Variants in HAS2 observed in about 807,000 individuals in gnomAD.
The protein encoded by HAS2 is HA synthase 2.
A neutral mutation model predicts 51.6 loss-of-function variants in HAS2; 16 were observed. That is an observed-to-expected ratio of 0.31 (90% CI 0.21 to 0.47). The LOEUF (loss-of-function observed/expected upper bound fraction) is 0.47. Ranked by LOEUF, HAS2 falls within the 20% of genes least tolerant of loss-of-function variation. The probability of loss-of-function intolerance (pLI) is 1.00; values close to 1 mark genes in which losing one functional copy is unlikely to be tolerated. For synonymous variants in HAS2, 228 were observed against 235.5 expected, an observed-to-expected ratio of 0.97 and a Z score of 0.29; for missense variants, 361 against 662.6, an observed-to-expected ratio of 0.54 and a Z score of 5.00.
At chr8:121,623,640 C>T (rs1217566058) in intron 2 of HAS2, among the ~76,000 whole-genome samples, 2 of 152,166 alleles carry the variant, frequency 1.3e-5, no homozygotes, top group Non-Finnish European at 1.5e-5. Context: ...TACACCAATA[C>T]TGACTTAAGA....
At chr8:121,616,050 A>G (rs1439761871) in intron 3 of HAS2, among the ~76,000 whole-genome samples, 6 of 152,136 alleles carry the variant, frequency 3.9e-5, no homozygotes, top group South Asian at 2.1e-4. Flanking sequence ...TAGCATGATA[A>G]TATCTAAATT....
rs1812662235 is a variant in HAS2, at chr8:121,613,402, G to A, written c.*707C>T. On this transcript the variant is annotated 3_prime_UTR_variant, in exon 4 of 4. Transcript: ENST00000303924. ...GAAATAAACTATTCAATTTTAAAAG[G>A]TAGAGAGAGAGAAACATTTTATTCT... 1.3e-5 allele frequency: 2 copies of A among 152,406 alleles called. No individual in the cohort carries two copies. The highest frequency in any genetic ancestry group is 1.5e-5 in the Non-Finnish European group (1 of 67,992). The allele number at this position is 152,406 out of a possible 1,614,324, so 9.4% of individuals were successfully genotyped here. A position where few individuals can be genotyped will look rare whatever the true frequency, so the allele number is the denominator to read the frequency against.
At position 121,628,796 on chromosome 8, in the gene HAS2, C is replaced by G; in HGVS notation, c.545G>C (p.Cys182Ser). 6.2e-7 allele frequency: 1 copy of G among 1,614,120 alleles called. No homozygotes were observed. The highest frequency in any genetic ancestry group is 2.2e-5 in the East Asian group (1 of 44,872). ...TTTTCCACCCCATTTTTGCATGATG[C>G]AGATACTTTTGTTGGACAAGACCAA... ...TQLVLSNKSI[C>S]IMQKWGGKRE... The change falls in exon 2 of 4, where the codon TGC becomes TCC. Residue 182 changes from cysteine (C) to serine (S), a missense_variant. By Grantham distance (112) the Cys-to-Ser change is moderately radical. Coordinates refer to ENST00000303924, the MANE Select transcript of HAS2 (RefSeq NM_005328.3).
chr8:121,641,158 CTTTTTTT>C lies in HAS2; in HGVS notation c.-313_-307del, dbSNP rs71573616. 1.4e-4 allele frequency: 8 copies of C among 57,018 alleles called. No individual in the cohort carries two copies. Among genetic ancestry groups the C allele is most frequent in the South Asian group, 1.5e-3 (2 of 1,310 alleles). The allele number at this position is 57,018 out of a possible 1,614,324, so 3.5% of individuals were successfully genotyped here. A position where few individuals can be genotyped will look rare whatever the true frequency, so the allele number is the denominator to read the frequency against. On this transcript the variant is annotated 5_prime_UTR_variant, in exon 1 of 4. Transcript: ENST00000303924. ...TAACTTTTCTTTTTTCTTTTCTTTTCTTTTTTTTTTTTTTTTTTTTTTGGGCTTCAGT... is the reference window on the plus strand; with the variant it reads ...TAACTTTTCTTTTTTCTTTTCTTTTCTTTTTTTTTTTTTTTGGGCTTCAGT...
In HAS2 at chr8:121,614,384, C is replaced by T; in HGVS notation, c.1384G>A (p.Gly462Arg). 6.2e-7 allele frequency: 1 copy of T among 1,614,130 alleles called. No individual in the cohort carries two copies. Residue 462 changes from glycine (G) to arginine (R), a missense_variant, in exon 4 of 4, where the codon GGG (glycine) becomes AGG (arginine). Gly to Arg is a moderately radical substitution (Grantham distance 125). Coordinates refer to ENST00000303924, the MANE Select transcript of HAS2 (RefSeq NM_005328.3). The surrounding 1 kb of genome is among the most constrained non-coding windows in gnomAD (Gnocchi z 7.2). ...MFAIATINKA[G>R]WGTSGRKTIV... The stretch of plus-strand genomic sequence containing the variant: ...GTTTTCCTTCCTGATGTGCCCCACC[C>T]AGCTTTGTTTATTGTTGCAATTGCA...
intron 2 of HAS2, among the ~76,000 whole-genome samples, chr8:121,623,726 A>G (rs537454196): frequency 2.0e-5 from 3 of 152,326 alleles, no homozygotes; most frequent in African/African-American, 7.2e-5. Context: ...CCAGGACCAT[A>G]GCAGGTAAAC....
intron 1 of HAS2, among the ~76,000 whole-genome samples, chr8:121,634,045 G>T (rs1044428989): frequency 6.6e-6 from 1 of 151,978 alleles, no homozygotes. Flanking sequence ...CAAGTAGCTG[G>T]GATTACAGGC....
intron 1 of HAS2, among the ~76,000 whole-genome samples, chr8:121,632,932 TG>T (rs572864874): frequency 3.7e-4 from 56 of 152,274 alleles, no homozygotes; most frequent in African/African-American, 1.3e-3. Flanking sequence ...ACCAAGACTC[TG>T]GGTATTTAAT....
At chr8:121,629,472 T>C (rs1267536037) in intron 1 of HAS2, 132 bp from the exon 2 acceptor site, 2 of 718,272 alleles carry the variant, frequency 2.8e-6, no homozygotes, top group Non-Finnish European at 4.6e-6. Context: ...GCCCAACTCA[T>C]TGTGTGACTT....
At chr8:121,628,206 A>G (rs922292376) in intron 2 of HAS2, among the ~76,000 whole-genome samples, 1 of 148,972 alleles carries the variant, frequency 6.7e-6, no homozygotes, top group Non-Finnish European at 1.5e-5. Context: ...CTCAATTTTA[A>G]TTTTTTTTTT....
At chr8:121,617,039 A>C (rs530432706) in intron 3 of HAS2, 66 bp downstream of exon 3, 1 of 861,466 alleles carries the variant, frequency 1.2e-6, no homozygotes, top group Non-Finnish European at 2.0e-6. Context: ...TCAATGAGTC[A>C]ATGAGTAAAA....
At chr8:121,618,269 G>A (rs902988808) in intron 2 of HAS2, among the ~76,000 whole-genome samples, 1 of 152,002 alleles carries the variant, frequency 6.6e-6, no homozygotes, top group South Asian at 2.1e-4. Flanking sequence ...TGGAAAAGTG[G>A]GCTTCATAAT....
rs1377409358 is a variant in HAS2 at position 121,614,214 on chromosome 8, G to C, written c.1554C>G (p.Leu518=). The C allele has an allele frequency of 6.2e-7, 1 of 1,613,942 alleles. No homozygotes were observed. Among genetic ancestry groups the C allele is most frequent in the Non-Finnish European group, 8.5e-7 (1 of 1,179,970 alleles). Residue 518 remains leucine (L), a synonymous_variant, in exon 4 of 4, where the codon CTC becomes CTG. Coordinates refer to ENST00000303924, the MANE Select transcript of HAS2 (RefSeq NM_005328.3). The surrounding 1 kb of genome is among the most constrained non-coding windows in gnomAD (Gnocchi z 7.2). ...KQTVLIVGTL[L]YACYWVMLLT... is the part of the protein sequence containing the mutation. Reference sequence around the variant, plus strand: ...AAAGCATGACCCAATAGCATGCATAGAGCAACGTTCCAACAATTAGAACTG... The same window carrying C: ...AAAGCATGACCCAATAGCATGCATACAGCAACGTTCCAACAATTAGAACTG...
intron 1 of HAS2, among the ~76,000 whole-genome samples, chr8:121,630,553 T>C (rs1812915756): frequency 6.6e-6 from 1 of 152,210 alleles, no homozygotes; most frequent in Non-Finnish European, 1.5e-5. Context: ...TCAAAGAAGA[T>C]ATAATTGGTA....
intron 1 of HAS2, among the ~76,000 whole-genome samples, chr8:121,631,486 A>G (rs1253312825): frequency 6.6e-6 from 1 of 152,236 alleles, no homozygotes; most frequent in Non-Finnish European, 1.5e-5. Flanking sequence ...AGGATCAGTT[A>G]ACCAGGAAGC....
chr8:121,622,741 C>T (rs1563621420), intron 2 of HAS2, among the ~76,000 whole-genome samples: 1 of 149,904 alleles, frequency 6.7e-6, no homozygotes, highest in Non-Finnish European at 1.5e-5. Context: ...AATAATATTA[C>T]AACAAACTTC....
rs1271552995 is a variant in HAS2 at position 121,641,152 on chromosome 8, T to TA, written c.-301_-300insT. ...ATAAATTAACTTTTCTTTTTTCTTT[T>TA]CTTTTCTTTTTTTTTTTTTTTTTTT... On this transcript the variant is annotated 5_prime_UTR_variant, in exon 1 of 4. Transcript: ENST00000303924. 1.1e-5 allele frequency: 1 copy of TA among 92,182 alleles called. No individual in the cohort carries two copies. Among genetic ancestry groups the TA allele is most frequent in the Non-Finnish European group, 2.0e-5 (1 of 50,046 alleles). The allele number at this position is 92,182 out of a possible 1,614,324, so 5.7% of individuals were successfully genotyped here. A position where few individuals can be genotyped will look rare whatever the true frequency, so the allele number is the denominator to read the frequency against.
At chr8:121,640,420 AGT>A (rs10578731) in intron 1 of HAS2, among the ~76,000 whole-genome samples, 70,809 of 148,200 alleles carry the variant, frequency 0.48, 17,256 homozygotes, top group Non-Finnish European at 0.54. Flanking sequence ...TTCTCCCCAC[AGT>A]GTGTGTGTGT....
intron 1 of HAS2, among the ~76,000 whole-genome samples, chr8:121,633,509 G>T (rs1324910992): frequency 6.6e-6 from 1 of 152,104 alleles, no homozygotes; most frequent in Non-Finnish European, 1.5e-5. Context: ...CAGACACAAG[G>T]CTAGCCAATA....
Sources: allele counts gnomAD v4.1 joint callset (sites outside exome capture counted in the v4.1 genomes callset), GRCh38; gene constraint gnomAD v4.1.1; non-coding constraint Gnocchi (gnomAD v3.1); transcripts MANE v1.5; gene names NCBI Gene and HGNC (gene_info 2026-07-23, HGNC 2026-07-21).